The following BCO1 variants were observed in gnomAD, a reference collection of about 807,000 sequenced individuals.
BCO1 encodes the protein beta-carotene oxygenase 1.
A neutral mutation model predicts 56.3 loss-of-function variants in BCO1; 54 were observed. The ratio of observed to expected loss-of-function variants is 0.96; its 90% confidence interval spans 0.77 to 1.20. The LOEUF (loss-of-function observed/expected upper bound fraction) is 1.20. BCO1 is among the 50% of genes most tolerant of loss of function. The pLI is 0.00. For missense variants in BCO1, 801 were observed against 690.9 expected (o/e 1.16, Z -1.79); for synonymous variants, 318 against 266.1 (o/e 1.20, Z -1.90).
Position 81,259,704 on chromosome 16 carries a change from G to A in BCO1, c.222G>A (p.Leu74=), listed in dbSNP as rs1567704541. The change falls in exon 3 of 11, where the codon CTG becomes CTA. Residue 74 remains leucine (L), a synonymous_variant. Coordinates refer to ENST00000258168, the MANE Select transcript of BCO1 (RefSeq NM_017429.3). ...DGEVYYRSKY[L]RSDTYNTNIE... ...AAGTCTATTACAGGAGCAAATACCT[G>A]AGAAGCGATACCTACAACACCAATA... The A allele has an allele frequency of 6.2e-7, 1 of 1,614,194 alleles. No homozygotes were observed. Among genetic ancestry groups the A allele is most frequent in the Non-Finnish European group, 8.5e-7 (1 of 1,180,036 alleles).
In BCO1 at chr16:81,291,079, C is replaced by A. The variant is rs1266784634; in HGVS notation, c.*502C>A. The stretch of plus-strand genomic sequence containing the variant: ...AAGTTACATGACCAGGAAGGTTATG[C>A]CACTTTGTGGTCATTCCATGCAAGT... On this transcript the variant is annotated 3_prime_UTR_variant, in exon 11 of 11. Transcript: ENST00000258168. 1 of 155,920 alleles carries A rather than the reference C, an allele frequency of 6.4e-6. No homozygotes were observed. The highest frequency in any genetic ancestry group is 1.4e-5 in the Non-Finnish European group (1 of 69,998). The allele number at this position is 155,920 out of a possible 1,614,324, so 9.7% of individuals were successfully genotyped here. A position where few individuals can be genotyped will look rare whatever the true frequency, so the allele number is the denominator to read the frequency against.
At position 81,290,426 on chromosome 16, in the gene BCO1, C is replaced by T. The variant is rs375017107; in HGVS notation, c.1493C>T (p.Thr498Met). Residue 498 changes from threonine (T) to methionine (M), a missense_variant, in exon 11 of 11, where the codon ACG becomes ATG. Transcript: ENST00000258168. ...CTCATTCTGGATGCCAAAAGCTTTA[C>T]GGAATTGGCCCGTGCCTCTGTTGAT... The part of the protein sequence containing the change: ...FLLILDAKSF[T>M]ELARASVDVD... The T allele has an allele frequency of 2.9e-5, 47 of 1,614,052 alleles. No homozygotes were observed. Among genetic ancestry groups the T allele is most frequent in the South Asian group, 5.5e-5 (5 of 91,088 alleles).
intron 2 of BCO1, among the ~76,000 whole-genome samples, chr16:81,254,661 G>A (rs757230698): frequency 1.3e-5 from 2 of 152,006 alleles, no homozygotes; most frequent in Non-Finnish European, 2.9e-5. Context: ...CAAATCCTTT[G>A]GCAATGGACA....
rs564211932 is a variant in BCO1, at chr16:81,279,832, A to G, written c.1102-1025A>G. Among the ~76,000 whole-genome samples, 102 of 152,304 alleles carry G rather than the reference A, an allele frequency of 6.7e-4. 3 individuals carry two copies. The highest frequency in any genetic ancestry group is 6.8e-3 in the Middle Eastern group (2 of 294). On this transcript the variant is annotated intron_variant, in intron 7 of 10. Coordinates refer to ENST00000258168, the MANE Select transcript of BCO1 (RefSeq NM_017429.3). Reference sequence around the variant, plus strand: ...GTCCTTGAAGGCTGTTTTGCCACCAAATAATTTTTATTGCATGTTTGTTTT... The same window carrying G: ...GTCCTTGAAGGCTGTTTTGCCACCAGATAATTTTTATTGCATGTTTGTTTT...
At chr16:81,287,512 T>C (rs1032265299) in intron 10 of BCO1, 106 bp downstream of exon 10, 8 of 853,100 alleles carry the variant, frequency 9.4e-6, no homozygotes, top group Non-Finnish European at 1.6e-5. Context: ...ATAAAGGGGG[T>C]GGATTGGTGC....
rs144501132 is a variant in BCO1 at position 81,270,285 on chromosome 16, A to G, written c.970A>G (p.Ile324Val). 8.0e-5 allele frequency: 129 copies of G among 1,614,078 alleles called. No homozygotes were observed. Among genetic ancestry groups the G allele is most frequent in the Non-Finnish European group, 1.0e-4 (121 of 1,180,058 alleles). Residue 324 changes from isoleucine (I) to valine (V), a missense_variant, in exon 7 of 11, where the codon ATT (isoleucine) becomes GTT (valine). Coordinates refer to ENST00000258168, the MANE Select transcript of BCO1 (RefSeq NM_017429.3). ...GGACGGCTGCATCGTGTTTGACGTC[A>G]TTGCCTACGAGGACAACAGCCTCTA... is the stretch of plus-strand genomic sequence containing the variant. ...EEDGCIVFDVIAYEDNSLYQL... is the reference protein window; with the variant it reads ...EEDGCIVFDVVAYEDNSLYQL...
intron 5 of BCO1, 83 bp downstream of exon 5, chr16:81,264,870 C>A (rs960469944): frequency 2.7e-6 from 4 of 1,482,236 alleles, no homozygotes. Flanking sequence ...GTTGATGACA[C>A]AAGATCCAGT....
At chr16:81,252,366 C>T (rs1041596574) in intron 2 of BCO1, among the ~76,000 whole-genome samples, 7 of 152,124 alleles carry the variant, frequency 4.6e-5, no homozygotes, top group Admixed American at 1.3e-4. Context: ...CTCAATTCTC[C>T]TGCCTCAGCC....
chr16:81,280,310 TACACACACACACAGACACACACACAC>T (rs1907800988), intron 7 of BCO1, among the ~76,000 whole-genome samples: 1 of 26,668 alleles, frequency 3.7e-5, no homozygotes, highest in Non-Finnish European at 9.5e-5. Flanking sequence ...AAAAAAAAAT[TACACACACACACAGACACACACACAC>T]ACACACACAC....
In BCO1 at chr16:81,290,718, G is replaced by A; in HGVS notation, c.*141G>A. The A allele has an allele frequency of 1.5e-6, 1 of 653,632 alleles. No individual in the cohort carries two copies. Among genetic ancestry groups the A allele is most frequent in the South Asian group, 2.0e-5 (1 of 50,382 alleles). 40.5% of individuals were successfully genotyped at this position (653,632 alleles called of 1,614,324 possible). ...GCTTTGACAAGGGCATGGCAAGAGA[G>A]CTTGTCAGTATCATTTCTTTCATTT... On this transcript the variant is annotated 3_prime_UTR_variant, in exon 11 of 11. Transcript: ENST00000258168.
At chr16:81,245,072 A>T (rs1408918514) in intron 1 of BCO1, among the ~76,000 whole-genome samples, 1 of 152,020 alleles carries the variant, frequency 6.6e-6, no homozygotes, top group Non-Finnish European at 1.5e-5. Flanking sequence ...TTGTATTTTT[A>T]GTAGAGGTGG....
chr16:81,263,965 G>C (rs1906654427), intron 4 of BCO1: 1 of 156,246 alleles, frequency 6.4e-6, no homozygotes, highest in African/African-American at 2.4e-5. Flanking sequence ...GGAAGAGAAA[G>C]GAGTTATCTG....
chr16:81,261,866 C>A (rs1049588737), intron 3 of BCO1: 15 of 387,456 alleles, frequency 3.9e-5, no homozygotes, highest in Non-Finnish European at 7.4e-5. Flanking sequence ...CTCAGCCTCC[C>A]GAGTAGCTGG....
At chr16:81,251,377 AG>A (rs1905786901) in intron 2 of BCO1, among the ~76,000 whole-genome samples, 1 of 152,012 alleles carries the variant, frequency 6.6e-6, no homozygotes, top group Non-Finnish European at 1.5e-5. Context: ...TGGGTAACAT[AG>A]TGAGACCTGG....
At chr16:81,278,602 T>C (rs188745846) in intron 7 of BCO1, among the ~76,000 whole-genome samples, 171 of 152,298 alleles carry the variant, frequency 1.1e-3, no homozygotes, top group Non-Finnish European at 2.1e-3. Context: ...ATAAAGGAGA[T>C]AATTACAGCT....
At chr16:81,245,659 T>C in intron 2 of BCO1, 56 bp downstream of exon 2, 1 of 1,610,446 alleles carries the variant, frequency 6.2e-7, no homozygotes, top group Non-Finnish European at 8.5e-7. Context: ...CCAAATGCAG[T>C]GCCTTAAAAC....
At chr16:81,245,661 C>A (rs1463680306) in intron 2 of BCO1, 58 bp downstream of exon 2, 5 of 1,605,720 alleles carry the variant, frequency 3.1e-6, no homozygotes, top group African/African-American at 1.3e-5. Context: ...AAATGCAGTG[C>A]CTTAAAACAG....
intron 7 of BCO1, among the ~76,000 whole-genome samples, chr16:81,279,485 C>G (rs1444425308): frequency 6.6e-6 from 1 of 152,094 alleles, no homozygotes; most frequent in Non-Finnish European, 1.5e-5. Flanking sequence ...AATAATATAA[C>G]AACGTCATCA....
intron 2 of BCO1, among the ~76,000 whole-genome samples, chr16:81,247,881 C>CCCACCAT (rs147098643): frequency 0.04 from 6,095 of 152,094 alleles, 192 homozygotes; most frequent in African/African-American, 0.095. Flanking sequence ...AAAAATAAAA[C>CCCACCAT]CACTATCTGT....
Sources: gnomAD v4.1 joint callset for allele counts (sites outside exome capture counted in the v4.1 genomes callset) on GRCh38, gnomAD v4.1.1 for gene constraint, MANE v1.5 for transcripts, NCBI Gene and HGNC (gene_info 2026-07-23, HGNC 2026-07-21) for gene names.